FIG4: variants seen among roughly 807,000 people sequenced by gnomAD.
FIG4 encodes the protein polyphosphoinositide phosphatase.
Under a neutral mutation model 118.6 loss-of-function variants are expected in FIG4, and 112 were observed. The ratio of observed to expected loss-of-function variants is 0.94; its 90% CI spans 0.81 to 1.11. FIG4 has a LOEUF of 1.11. Ranked by LOEUF, FIG4 falls within the 50% of genes least tolerant of loss-of-function variation. FIG4 has a pLI of 0.00. For missense variants in FIG4, 969 were observed against 1,111.7 expected (o/e 0.87, Z 1.83); for synonymous variants, 369 against 381.2 (o/e 0.97, Z 0.37).
intron 10 of FIG4, among the ~76,000 whole-genome samples, chr6:109,746,980 G>C (rs951786755): frequency 6.6e-6 from 1 of 152,026 alleles, no homozygotes; most frequent in Non-Finnish European, 1.5e-5. Context: ...TTACTCAGGT[G>C]GGTGAATGGT....
intron 11 of FIG4, among the ~76,000 whole-genome samples, chr6:109,761,314 C>T (rs1430057744): frequency 6.6e-6 from 1 of 152,134 alleles, no homozygotes; most frequent in Non-Finnish European, 1.5e-5. Context: ...TCTCAGCCTC[C>T]TGAGTAGCTG....
At chr6:109,824,411 G>A (rs1461821931) in intron 22 of FIG4, among the ~76,000 whole-genome samples, 1 of 152,160 alleles carries the variant, frequency 6.6e-6, no homozygotes, top group Non-Finnish European at 1.5e-5. Flanking sequence ...CGGGAAGTGG[G>A]GGTGATTATT....
At chr6:109,696,062 C>A (rs947692071) in intron 1 of FIG4, among the ~76,000 whole-genome samples, 1 of 152,214 alleles carries the variant, frequency 6.6e-6, no homozygotes, top group East Asian at 1.9e-4. Flanking sequence ...ATTGTCTCAT[C>A]CCTTCTTAAA....
intron 1 of FIG4, among the ~76,000 whole-genome samples, chr6:109,711,379 AC>A (rs1183885704): frequency 1.3e-5 from 2 of 152,150 alleles, no homozygotes; most frequent in Non-Finnish European, 2.9e-5. Flanking sequence ...AGGCTGGGCG[AC>A]AGAGCAAGAC....
chr6:109,825,073 A>T lies in FIG4; in HGVS notation c.2547-15A>T. The T allele has an allele frequency of 6.2e-7, 1 of 1,611,730 alleles. No homozygotes were observed. The highest frequency in any genetic ancestry group is 8.5e-7 in the Non-Finnish European group (1 of 1,177,902). On this transcript the variant is annotated splice_polypyrimidine_tract_variant and intron_variant, in intron 22 of 22. Transcript: ENST00000230124. ...TTTTCTTTAATGCAGCCCTCTCTTT[A>T]TTCATCTTTTATAGAACACCCATCT...
chr6:109,744,487 GTGT>G (rs927051620), intron 10 of FIG4, among the ~76,000 whole-genome samples: 9 of 152,098 alleles, frequency 5.9e-5, no homozygotes, highest in African/African-American at 1.9e-4. Context: ...AAAAGCAAGG[GTGT>G]TGTTATGTTA....
Position 109,762,142 on chromosome 6 carries a change from G to A in FIG4, c.1323G>A (p.Val441=). The change falls in exon 12 of 23, where the codon GTG becomes GTA. Residue 441 remains valine, a synonymous_variant. Coordinates refer to ENST00000230124, the MANE Select transcript of FIG4 (RefSeq NM_014845.6). ...DRLNVIAESV[V]KKTGFFVNRP... ...TAAATGTGATTGCAGAAAGTGTGGTGAAGAAAACAGGTTTCTTTGTAAACC... is the reference window on the plus strand; with the variant it reads ...TAAATGTGATTGCAGAAAGTGTGGTAAAGAAAACAGGTTTCTTTGTAAACC... 3.1e-6 allele frequency: 5 copies of A among 1,613,824 alleles called. No individual in the cohort carries two copies. The highest frequency in any genetic ancestry group is 1.3e-5 in the African/African-American group (1 of 75,032).
rs117956412 is a variant in FIG4 at position 109,759,194 on chromosome 6, C to T, written c.1138-1056C>T. On this transcript the variant is annotated intron_variant, in intron 10 of 22. Coordinates refer to ENST00000230124, the MANE Select transcript of FIG4 (RefSeq NM_014845.6). ...CACAATAGCAAAGACTTGAAACCAACCCAACGGCCCATCAATGATGGACTG... is the reference window on the plus strand; with the variant it reads ...CACAATAGCAAAGACTTGAAACCAATCCAACGGCCCATCAATGATGGACTG... Among the ~76,000 whole-genome samples, 41 of 152,276 alleles carry T rather than the reference C, an allele frequency of 2.7e-4. No homozygotes were observed. In the East Asian group the frequency reaches 7.3e-3, roughly 27 times the overall value.
At chr6:109,771,603 G>T (rs1777464604) in intron 15 of FIG4, among the ~76,000 whole-genome samples, 1 of 151,572 alleles carries the variant, frequency 6.6e-6, no homozygotes, top group Non-Finnish European at 1.5e-5. Context: ...CGAGTAGCTG[G>T]GACTACAGGT....
intron 3 of FIG4, among the ~76,000 whole-genome samples, chr6:109,724,277 C>T (rs140515854): frequency 4.6e-5 from 7 of 152,142 alleles, no homozygotes; most frequent in Non-Finnish European, 8.8e-5. Flanking sequence ...TCCTCTCCCC[C>T]CTGGGATTCC....
chr6:109,741,609 A>G (rs935102598), intron 8 of FIG4, 65 bp downstream of exon 8: 2 of 1,028,902 alleles, frequency 1.9e-6, no homozygotes, highest in African/African-American at 1.6e-5. Context: ...CTGATGTAGA[A>G]GCACAGTGAA....
At chr6:109,691,630 A>G (rs995277831) in intron 1 of FIG4, 129 bp downstream of exon 1, 6 of 909,434 alleles carry the variant, frequency 6.6e-6, no homozygotes, top group Non-Finnish European at 1.1e-5. Flanking sequence ...CCTGTCAAAC[A>G]CAGCCTTGGG....
chr6:109,800,129 A>G (rs1288951225), intron 22 of FIG4, among the ~76,000 whole-genome samples: 1 of 152,056 alleles, frequency 6.6e-6, no homozygotes, highest in African/African-American at 2.4e-5. Flanking sequence ...ACAGCTAGCA[A>G]GTAGAGGAAC....
chr6:109,696,247 G>A (rs1302850460), intron 1 of FIG4, among the ~76,000 whole-genome samples: 1 of 152,126 alleles, frequency 6.6e-6, no homozygotes, highest in African/African-American at 2.4e-5. Context: ...AAACTGATCT[G>A]TTATCCTTCC....
chr6:109,795,095 G>GGTTTTTTTTTTTTTT (rs1778240980), intron 21 of FIG4, among the ~76,000 whole-genome samples: 1 of 57,194 alleles, frequency 1.7e-5, no homozygotes, highest in Non-Finnish European at 3.5e-5. Context: ...ACACTTGCCA[G>GGTTTTTTTTTTTTTT]TTTTTTTTTT....
chr6:109,717,546 A>C (rs371582397), intron 3 of FIG4, among the ~76,000 whole-genome samples: 1 of 152,346 alleles, frequency 6.6e-6, no homozygotes, highest in East Asian at 1.9e-4. Flanking sequence ...GTAAGAGCCA[A>C]GCTGTGTAGT....
chr6:109,771,197 T>C (rs946299812), intron 15 of FIG4, among the ~76,000 whole-genome samples: 1 of 152,238 alleles, frequency 6.6e-6, no homozygotes, highest in African/African-American at 2.4e-5. Context: ...AAAGCCCAAC[T>C]CTTCACCTCT....
chr6:109,735,467 T>A (rs1392242793), intron 6 of FIG4, among the ~76,000 whole-genome samples, 169 bp downstream of exon 6: 1 of 152,182 alleles, frequency 6.6e-6, no homozygotes, highest in East Asian at 1.9e-4. Context: ...TATAGAGATA[T>A]TAATCACCAT....
chr6:109,809,080 A>T (rs1198986490), intron 22 of FIG4, among the ~76,000 whole-genome samples: 1 of 152,216 alleles, frequency 6.6e-6, no homozygotes, highest in Non-Finnish European at 1.5e-5. Flanking sequence ...CATTGCAACT[A>T]ACCTTTAAGA....
Sources: gnomAD v4.1 joint callset for allele counts (sites outside exome capture counted in the v4.1 genomes callset) on GRCh38, gnomAD v4.1.1 for gene constraint, MANE v1.5 for transcripts, NCBI Gene and HGNC (gene_info 2026-07-23, HGNC 2026-07-21) for gene names.